The following SORCS3 variants were observed in gnomAD, a reference collection of about 807,000 sequenced individuals.
The protein encoded by SORCS3 is VPS10 domain-containing receptor SorCS3.
In SORCS3, 57 loss-of-function variants were observed where a neutral mutation model predicts 146.3. That is an observed-to-expected ratio of 0.39 (90% CI 0.31 to 0.49). The LOEUF (loss-of-function observed/expected upper bound fraction) is 0.49. Among genes scored for constraint, SORCS3 ranks in the 20% least tolerant of loss-of-function variants. The pLI is 0.92. For missense variants in SORCS3, 1,341 were observed against 1,575.5 expected, an observed-to-expected ratio of 0.85 and a Z score of 2.52; for synonymous variants, 653 against 618.5, an observed-to-expected ratio of 1.06 and a Z score of -0.83.
intron 4 of SORCS3, among the ~76,000 whole-genome samples, chr10:104,994,969 A>G (rs1222042309): frequency 2.0e-5 from 3 of 152,174 alleles, no homozygotes; most frequent in Non-Finnish European, 4.4e-5. Context: ...TGGCTGGATC[A>G]TATGATAGAG....
intron 1 of SORCS3, among the ~76,000 whole-genome samples, chr10:104,668,357 T>A (rs965603956): frequency 2.4e-4 from 37 of 152,192 alleles, no homozygotes; most frequent in Non-Finnish European, 3.4e-4. Flanking sequence ...TTCCTCTTTT[T>A]CTTTGTTAAG....
At chr10:105,165,148 C>G (rs552116503) in intron 12 of SORCS3, among the ~76,000 whole-genome samples, 1 of 152,078 alleles carries the variant, frequency 6.6e-6, no homozygotes. Context: ...AGGTGTCAGG[C>G]TCCAGGAGGT....
At chr10:104,976,886 A>G (rs1039456320) in intron 3 of SORCS3, among the ~76,000 whole-genome samples, 2 of 152,086 alleles carry the variant, frequency 1.3e-5, no homozygotes, top group African/African-American at 2.4e-5. Context: ...AGGAAGGGGA[A>G]CATCACACTC....
intron 19 of SORCS3, among the ~76,000 whole-genome samples, chr10:105,218,672 A>G (rs1447560024): frequency 1.3e-5 from 2 of 152,276 alleles, no homozygotes; most frequent in East Asian, 3.9e-4. Flanking sequence ...TCCTTTGTTA[A>G]ATGTCTACTA....
chr10:105,244,257 T>A (rs1449922631), intron 20 of SORCS3, among the ~76,000 whole-genome samples: 3 of 151,742 alleles, frequency 2.0e-5, no homozygotes, highest in Non-Finnish European at 2.9e-5. Flanking sequence ...TCAAGATTCT[T>A]CTTTCCAGGA....
chr10:104,940,561 A>G (rs948698121), intron 3 of SORCS3, among the ~76,000 whole-genome samples: 2 of 151,852 alleles, frequency 1.3e-5, no homozygotes, highest in Admixed American at 1.3e-4. Flanking sequence ...TGTCCCTACA[A>G]AGGACATGAA....
intron 25 of SORCS3, among the ~76,000 whole-genome samples, chr10:105,258,741 T>A (rs1051654888): frequency 6.6e-6 from 1 of 152,216 alleles, no homozygotes; most frequent in African/African-American, 2.4e-5. Flanking sequence ...CCATACCAGG[T>A]AATGACATCT....
At chr10:104,779,058 A>G (rs2017343792) in intron 1 of SORCS3, among the ~76,000 whole-genome samples, 1 of 152,200 alleles carries the variant, frequency 6.6e-6, no homozygotes, top group African/African-American at 2.4e-5. Context: ...AGATTTAACA[A>G]TGGAAGCCAG....
intron 7 of SORCS3, among the ~76,000 whole-genome samples, chr10:105,131,456 A>G (rs1589648217): frequency 2.6e-5 from 4 of 152,176 alleles, no homozygotes; most frequent in Non-Finnish European, 5.9e-5. Context: ...TGTAAGCCCA[A>G]TTATGGTTCG....
intron 18 of SORCS3, among the ~76,000 whole-genome samples, chr10:105,216,162 T>C (rs2056663825): frequency 6.6e-6 from 1 of 152,138 alleles, no homozygotes; most frequent in Non-Finnish European, 1.5e-5. Context: ...TGAAAAGGCT[T>C]CAGGGAAGAG....
intron 13 of SORCS3, among the ~76,000 whole-genome samples, chr10:105,174,442 TAATA>T (rs1422573986): frequency 6.6e-6 from 1 of 151,982 alleles, no homozygotes; most frequent in African/African-American, 2.4e-5. Flanking sequence ...ATCAAAATAA[TAATA>T]ATAATAATAA....
chr10:104,827,177 G>A (rs2017946183), intron 1 of SORCS3, among the ~76,000 whole-genome samples: 1 of 152,140 alleles, frequency 6.6e-6, no homozygotes, highest in Admixed American at 6.5e-5. Context: ...CTCCTCCCAT[G>A]AATCATAAAT....
At chr10:104,747,522 G>A (rs1479515593) in intron 1 of SORCS3, among the ~76,000 whole-genome samples, 1 of 152,176 alleles carries the variant, frequency 6.6e-6, no homozygotes, top group Admixed American at 6.5e-5. Flanking sequence ...ATCTATGACA[G>A]ATGCATGGAG....
intron 2 of SORCS3, among the ~76,000 whole-genome samples, chr10:104,859,406 C>T (rs1291306544): frequency 6.6e-6 from 1 of 152,092 alleles, no homozygotes; most frequent in East Asian, 1.9e-4. Flanking sequence ...ACACCTTATA[C>T]AAAAATTAAT....
chr10:104,926,178 A>G (rs1034584796), intron 3 of SORCS3, among the ~76,000 whole-genome samples: 2 of 152,194 alleles, frequency 1.3e-5, no homozygotes, highest in African/African-American at 4.8e-5. Flanking sequence ...AAAGAGCCTC[A>G]TGTCCTGCCT....
At chr10:105,186,212 A>G (rs1343780973) in intron 14 of SORCS3, among the ~76,000 whole-genome samples, 2 of 152,330 alleles carry the variant, frequency 1.3e-5, no homozygotes, top group South Asian at 2.1e-4. Flanking sequence ...TGCAACAATA[A>G]TGCAATAATA....
intron 1 of SORCS3, among the ~76,000 whole-genome samples, chr10:104,677,680 G>C: frequency 6.6e-6 from 1 of 152,184 alleles, no homozygotes; most frequent in East Asian, 1.9e-4. Context: ...TTGGCTCAGA[G>C]GACGAAATGT....
chr10:104,881,186 G>A (rs544006604), intron 2 of SORCS3, among the ~76,000 whole-genome samples: 1 of 152,190 alleles, frequency 6.6e-6, no homozygotes, highest in Admixed American at 6.5e-5. Context: ...ACACACAGAG[G>A]TTTAGCAGCT....
At chr10:105,122,422 A>G (rs1339539936) in intron 7 of SORCS3, among the ~76,000 whole-genome samples, 1 of 152,212 alleles carries the variant, frequency 6.6e-6, no homozygotes, top group East Asian at 1.9e-4. Context: ...CAGCAGAGAC[A>G]GATGTTAACC....
Sources: gnomAD v4.1 joint callset for allele counts (sites outside exome capture counted in the v4.1 genomes callset) on GRCh38, gnomAD v4.1.1 for gene constraint, MANE v1.5 for transcripts, NCBI Gene and HGNC (gene_info 2026-07-23, HGNC 2026-07-21) for gene names.